The following WDTC1 variants were observed in gnomAD, a reference collection of about 807,000 sequenced individuals.
The protein encoded by WDTC1 is WD and tetratricopeptide repeats protein 1.
Under a neutral mutation model 76.0 loss-of-function variants are expected in WDTC1, and 12 were observed. That is an observed-to-expected ratio of 0.16 (90% CI 0.10 to 0.26). WDTC1 has a LOEUF of 0.26. WDTC1 is among the 10% of genes least tolerant of loss of function. WDTC1 has a pLI of 1.00. For missense variants in WDTC1, 511 were observed against 908.8 expected, an observed-to-expected ratio of 0.56 and a Z score of 5.63; for synonymous variants, 326 against 350.8, an observed-to-expected ratio of 0.93 and a Z score of 0.79.
chr1:27,234,576 C>A (rs894145454), upstream of WDTC1: 2 of 389,728 alleles, frequency 5.1e-6, no homozygotes, highest in Non-Finnish European at 9.1e-6. Context: ...GTAGCGTACC[C>A]GCCGGCTGCG....
At chr1:27,255,918 G>A (rs2012264751) in intron 1 of WDTC1, among the ~76,000 whole-genome samples, 1 of 152,010 alleles carries the variant, frequency 6.6e-6, no homozygotes, top group Non-Finnish European at 1.5e-5. Context: ...TCTCTCCCTG[G>A]AAGTGGTTTT....
intron 1 of WDTC1, among the ~76,000 whole-genome samples, chr1:27,241,241 C>T (rs2011624270): frequency 6.6e-6 from 1 of 152,070 alleles, no homozygotes; most frequent in South Asian, 2.1e-4. Context: ...AGGTATTAAC[C>T]CCATTTTCTT....
chr1:27,304,950 GC>G, intron 14 of WDTC1, 50 bp from the exon 15 acceptor site: 6 of 1,553,106 alleles, frequency 3.9e-6, no homozygotes, highest in Non-Finnish European at 4.4e-6. Flanking sequence ...TCTACTTGAG[GC>G]TGTAGGGCAG....
chr1:27,241,297 C>T (rs746102373), intron 1 of WDTC1, among the ~76,000 whole-genome samples: 1 of 152,108 alleles, frequency 6.6e-6, no homozygotes, highest in Non-Finnish European at 1.5e-5. Flanking sequence ...AGGGAGCTCT[C>T]CAGAGGCTGT....
intron 1 of WDTC1, among the ~76,000 whole-genome samples, chr1:27,248,767 C>T (rs767376053): frequency 6.6e-6 from 1 of 151,832 alleles, no homozygotes; most frequent in African/African-American, 2.4e-5. Flanking sequence ...TCAAGCAGTC[C>T]TCCCACCTCA....
At chr1:27,248,385 G>T (rs1004248431) in intron 1 of WDTC1, among the ~76,000 whole-genome samples, 2 of 152,082 alleles carry the variant, frequency 1.3e-5, no homozygotes, top group Non-Finnish European at 2.9e-5. Flanking sequence ...GTTTTGACTT[G>T]GATTTCTCTA....
At chr1:27,297,182 C>T (rs771736610) in intron 11 of WDTC1, 26 bp downstream of exon 11, 6 of 1,566,026 alleles carry the variant, frequency 3.8e-6, no homozygotes, top group South Asian at 1.1e-5. Flanking sequence ...TTGTCCAGCC[C>T]TCCAAGCCCC....
intron 1 of WDTC1, among the ~76,000 whole-genome samples, chr1:27,243,439 C>T (rs542815491): frequency 6.6e-6 from 1 of 151,936 alleles, no homozygotes; most frequent in African/African-American, 2.4e-5. Context: ...TCTGGAACTC[C>T]TGACCTCAAG....
chr1:27,239,769 C>T (rs1224612770), intron 1 of WDTC1, among the ~76,000 whole-genome samples: 2 of 134,012 alleles, frequency 1.5e-5, no homozygotes, highest in Non-Finnish European at 1.6e-5. Flanking sequence ...GAGCCAAGAT[C>T]GTGTGCACTC....
chr1:27,293,435 TA>T (rs35845132), intron 7 of WDTC1, among the ~76,000 whole-genome samples: 23 of 130,564 alleles, frequency 1.8e-4, no homozygotes, highest in Admixed American at 3.9e-4. Flanking sequence ...CAGTCTCAAT[TA>T]AAAAAAAAAA....
chr1:27,266,160 C>T (rs903948391), intron 3 of WDTC1, among the ~76,000 whole-genome samples: 2 of 152,028 alleles, frequency 1.3e-5, no homozygotes, highest in African/African-American at 2.4e-5. Flanking sequence ...AGAAAAGGGT[C>T]CAGGACCAAG....
chr1:27,294,494 G>C lies in WDTC1; in HGVS notation c.758-20G>C. ...TTGAAAGGGACTGGGACCCTAGTATGACTGGGCTATTCCCTGCAGGTCACC... is the reference window on the plus strand; with the variant it reads ...TTGAAAGGGACTGGGACCCTAGTATCACTGGGCTATTCCCTGCAGGTCACC... On this transcript the variant is annotated intron_variant, in intron 8 of 15. Coordinates refer to ENST00000319394, the MANE Select transcript of WDTC1 (RefSeq NM_001276252.2). 6.2e-7 allele frequency: 1 copy of C among 1,609,988 alleles called. No homozygotes were observed. The highest frequency in any genetic ancestry group is 1.7e-4 in the Middle Eastern group (1 of 6,052).
intron 3 of WDTC1, among the ~76,000 whole-genome samples, chr1:27,276,112 T>A (rs1171988604): frequency 1.3e-4 from 20 of 152,242 alleles, no homozygotes; most frequent in Admixed American, 1.3e-3. Context: ...ACATTCTGTC[T>A]ATCCATTCAT....
intron 1 of WDTC1, among the ~76,000 whole-genome samples, chr1:27,244,196 G>A (rs1457988250): frequency 6.6e-6 from 1 of 151,846 alleles, no homozygotes; most frequent in Non-Finnish European, 1.5e-5. Flanking sequence ...AGAGACGTAA[G>A]AGGTATAGAA....
intron 3 of WDTC1, among the ~76,000 whole-genome samples, chr1:27,280,162 C>A (rs1167383282): frequency 6.6e-6 from 1 of 152,156 alleles, no homozygotes; most frequent in Non-Finnish European, 1.5e-5. Flanking sequence ...ATGTGAAGTA[C>A]TTAGGACAGG....
At chr1:27,287,511 T>C (rs2013373876) in intron 5 of WDTC1, among the ~76,000 whole-genome samples, 163 bp from the exon 6 acceptor site, 19 of 152,084 alleles carry the variant, frequency 1.2e-4, no homozygotes, top group Admixed American at 1.2e-3. Flanking sequence ...CTCAGCCTGC[T>C]GAGCAGCTGG....
intron 1 of WDTC1, among the ~76,000 whole-genome samples, chr1:27,239,404 C>G (rs928955408): frequency 2.0e-5 from 3 of 150,876 alleles, no homozygotes; most frequent in Non-Finnish European, 4.4e-5. Context: ...TGCCTGTATT[C>G]CCATCTACCC....
Position 27,297,171 on chromosome 1 carries a change from C to T in WDTC1, c.1058+15C>T, listed in dbSNP as rs1318979401. On this transcript the variant is annotated intron_variant, in intron 11 of 15. Transcript: ENST00000319394. The stretch of plus-strand genomic sequence containing the variant: ...GGACATGTCAGGTGAGGCCAGCTGG[C>T]TTGTCCAGCCCTCCAAGCCCCAGTT... The T allele has an allele frequency of 1.3e-6, 2 of 1,584,988 alleles. No homozygotes were observed. The highest frequency in any genetic ancestry group is 8.6e-7 in the Non-Finnish European group (1 of 1,164,284).
At chr1:27,250,529 A>G (rs1045122929) in intron 1 of WDTC1, among the ~76,000 whole-genome samples, 1 of 152,178 alleles carries the variant, frequency 6.6e-6, no homozygotes, top group East Asian at 1.9e-4. Flanking sequence ...CCATTTTACA[A>G]ATGAGGAAAT....
Sources: gnomAD v4.1 joint callset for allele counts (sites outside exome capture counted in the v4.1 genomes callset) on GRCh38, gnomAD v4.1.1 for gene constraint, MANE v1.5 for transcripts, NCBI Gene and HGNC (gene_info 2026-07-23, HGNC 2026-07-21) for gene names.